Variants in FGF14 observed in about 807,000 individuals in gnomAD.
FGF14 encodes fibroblast growth factor 14, also known as fibroblast growth factor homologous factor 4.
In FGF14, 5 loss-of-function variants were observed where a neutral mutation model predicts 25.5. The ratio of observed to expected loss-of-function variants is 0.20; its 90% CI spans 0.10 to 0.41. The LOEUF is 0.41. Among genes scored for constraint, FGF14 ranks in the 10% least tolerant of loss-of-function variants. FGF14 has a pLI of 1.00. For synonymous variants in FGF14, 138 were observed against 118.3 expected (o/e 1.17, Z -1.08); for missense variants, 222 against 320.1 (o/e 0.69, Z 2.34).
At chr13:101,794,696 T>C (rs1318184409) in intron 3 of FGF14, among the ~76,000 whole-genome samples, 2 of 152,126 alleles carry the variant, frequency 1.3e-5, no homozygotes, top group Non-Finnish European at 2.9e-5. Context: ...CAACTGAATA[T>C]TCTAATGTCT....
chr13:102,024,962 T>C (rs953234350), intron 1 of FGF14, among the ~76,000 whole-genome samples: 6 of 151,508 alleles, frequency 4.0e-5, no homozygotes, highest in Non-Finnish European at 7.4e-5. Flanking sequence ...TATACATATG[T>C]AAAATGGAAT....
chr13:101,984,810 G>T (rs2476211), intron 1 of FGF14, among the ~76,000 whole-genome samples: 76,054 of 151,928 alleles, frequency 0.5, 22,567 homozygotes, highest in African/African-American at 0.82. Context: ...AGTGATATTT[G>T]TGGGGACACA....
chr13:101,946,129 G>A (rs1431530956), intron 1 of FGF14, among the ~76,000 whole-genome samples: 1 of 151,894 alleles, frequency 6.6e-6, no homozygotes, highest in African/African-American at 2.4e-5. Context: ...GGGGCAACAG[G>A]GTTCTCACTC....
chr13:102,109,097 G>GAGA (rs56410788), intron 1 of FGF14, among the ~76,000 whole-genome samples: 107,089 of 151,800 alleles, frequency 0.71, 38,068 homozygotes, highest in African/African-American at 0.79. Flanking sequence ...TATTTCTAGA[G>GAGA]AGGTCTTTCA....
At chr13:102,010,784 C>T (rs756998906) in intron 1 of FGF14, among the ~76,000 whole-genome samples, 13 of 152,086 alleles carry the variant, frequency 8.5e-5, no homozygotes, top group African/African-American at 1.7e-4. Flanking sequence ...AACTGGCAAC[C>T]GGCAAATGGC....
intron 4 of FGF14, among the ~76,000 whole-genome samples, chr13:101,724,191 T>C (rs1391319065): frequency 6.6e-6 from 1 of 152,102 alleles, no homozygotes; most frequent in East Asian, 1.9e-4. Flanking sequence ...TGATTTTCTA[T>C]GTAGTGAAGT....
chr13:102,328,783 C>T (rs1469641950), intron 1 of FGF14, among the ~76,000 whole-genome samples: 1 of 152,174 alleles, frequency 6.6e-6, no homozygotes, highest in African/African-American at 2.4e-5. Flanking sequence ...AAATGGAGCC[C>T]TAACACTGCT....
intron 3 of FGF14, among the ~76,000 whole-genome samples, chr13:101,844,820 A>T (rs2043365539): frequency 6.6e-6 from 1 of 152,128 alleles, no homozygotes; most frequent in African/African-American, 2.4e-5. Context: ...CAAATCCAAA[A>T]CATTTAACTA....
At chr13:102,387,602 C>G (rs1325345992) in intron 1 of FGF14, among the ~76,000 whole-genome samples, 1 of 152,088 alleles carries the variant, frequency 6.6e-6, no homozygotes, top group Non-Finnish European at 1.5e-5. Flanking sequence ...CTTTTAGGTT[C>G]AGGGGTGCAT....
At chr13:102,216,889 T>C (rs990910853) in intron 1 of FGF14, among the ~76,000 whole-genome samples, 1 of 152,206 alleles carries the variant, frequency 6.6e-6, no homozygotes, top group African/African-American at 2.4e-5. Flanking sequence ...ATTCCACATA[T>C]GAATGAGGTC....
At chr13:102,252,383 A>T (rs1229730443) in intron 1 of FGF14, among the ~76,000 whole-genome samples, 1 of 152,214 alleles carries the variant, frequency 6.6e-6, no homozygotes, top group Non-Finnish European at 1.5e-5. Context: ...TGGAATCAGT[A>T]ATAATAACTT....
intron 1 of FGF14, among the ~76,000 whole-genome samples, chr13:101,951,894 T>C (rs1414691779): frequency 1.4e-4 from 21 of 152,180 alleles, no homozygotes; most frequent in Non-Finnish European, 1.2e-4. Flanking sequence ...TACTACATCA[T>C]ATTCAATTTC....
At chr13:102,247,351 C>G (rs888482633) in intron 1 of FGF14, among the ~76,000 whole-genome samples, 1 of 151,836 alleles carries the variant, frequency 6.6e-6, no homozygotes, top group Non-Finnish European at 1.5e-5. Context: ...GGTCTAATAT[C>G]CAGCATCTAT....
At chr13:101,743,597 T>C (rs1294597773) in intron 3 of FGF14, among the ~76,000 whole-genome samples, 3 of 152,284 alleles carry the variant, frequency 2.0e-5, no homozygotes, top group Middle Eastern at 3.4e-3. Context: ...TTGAAAATCA[T>C]TTAGAAATTA....
chr13:102,292,478 T>C (rs1056180), intron 1 of FGF14: 113,179 of 151,984 alleles, frequency 0.74, 42,359 homozygotes, highest in East Asian at 0.82. Context: ...TTTAAAGATA[T>C]GTACATGGAC....
At chr13:101,838,629 A>T (rs933331505) in intron 3 of FGF14, among the ~76,000 whole-genome samples, 4 of 152,046 alleles carry the variant, frequency 2.6e-5, no homozygotes, top group African/African-American at 9.7e-5. Flanking sequence ...ATCTAACATA[A>T]ATAAGCAAGA....
chr13:102,223,627 T>C (rs2050710850), intron 1 of FGF14, among the ~76,000 whole-genome samples: 1 of 152,204 alleles, frequency 6.6e-6, no homozygotes, highest in Non-Finnish European at 1.5e-5. Flanking sequence ...TTTACTCCAC[T>C]TTTGAAACAC....
chr13:102,032,042 G>A (rs556700306), intron 1 of FGF14, among the ~76,000 whole-genome samples: 1 of 152,218 alleles, frequency 6.6e-6, no homozygotes, highest in Non-Finnish European at 1.5e-5. Context: ...ATCAAGGGAA[G>A]GTGAGAAATA....
At chr13:102,221,695 T>C (rs2050621174) in intron 1 of FGF14, among the ~76,000 whole-genome samples, 1 of 151,952 alleles carries the variant, frequency 6.6e-6, no homozygotes, top group Admixed American at 6.6e-5. Context: ...AACAGATAAT[T>C]TACAAAGAGG....
Sources: gnomAD v4.1 joint callset for allele counts (sites outside exome capture counted in the v4.1 genomes callset) on GRCh38, gnomAD v4.1.1 for gene constraint, MANE v1.5 for transcripts, NCBI Gene and HGNC (gene_info 2026-07-23, HGNC 2026-07-21) for gene names.